GCN1: variants seen among roughly 807,000 people sequenced by gnomAD.
GCN1 encodes the protein GCN1 activator of EIF2AK4.
In GCN1, 90 loss-of-function variants were observed where a neutral mutation model predicts 288.4. That is an observed-to-expected ratio of 0.31 (90% CI 0.26 to 0.37). GCN1 has a LOEUF of 0.37. Ranked by LOEUF, GCN1 falls within the 10% of genes least tolerant of loss-of-function variation. GCN1 has a pLI of 1.00. For missense variants in GCN1, 2,586 were observed against 3,419.9 expected (o/e 0.76, Z 6.08); for synonymous variants, 1,386 against 1,420.2 (o/e 0.98, Z 0.54).
chr12:120,174,158 C>G lies in GCN1; in HGVS notation c.1105G>C (p.Val369Leu). The G allele has an allele frequency of 6.3e-7, 1 of 1,587,434 alleles. No individual in the cohort carries two copies. Among genetic ancestry groups the G allele is most frequent in the Non-Finnish European group, 8.7e-7 (1 of 1,155,628 alleles). ...KMSVLSGIGS[V>L]SHHVVSGPSS... ...GGTCCAGACACCACGTGATGACTGACGCTCCCAATCCCTAAAAGGCAGATT... is the reference window on the plus strand; with the variant it reads ...GGTCCAGACACCACGTGATGACTGAGGCTCCCAATCCCTAAAAGGCAGATT... Residue 369 changes from valine to leucine, a missense_variant, in exon 13 of 58, where the codon GTC becomes CTC. Transcript: ENST00000300648.
intron 2 of GCN1, among the ~76,000 whole-genome samples, chr12:120,187,599 AC>A (rs967369153): frequency 6.6e-5 from 10 of 150,712 alleles, no homozygotes; most frequent in Middle Eastern, 3.5e-3. Flanking sequence ...CTGTGCCCAA[AC>A]TTTTTTTTTT....
At chr12:120,164,229 G>A in intron 18 of GCN1, 107 bp downstream of exon 18, 1 of 883,798 alleles carries the variant, frequency 1.1e-6, no homozygotes. Context: ...GCATCACACA[G>A]ATTAAGAAAG....
chr12:120,142,479 G>C lies in GCN1; in HGVS notation c.5829+28C>G. 6.4e-7 allele frequency: 1 copy of C among 1,572,170 alleles called. No homozygotes were observed. Among genetic ancestry groups the C allele is most frequent in the South Asian group, 1.1e-5 (1 of 90,164 alleles). ...TCTGAAAGGAGGCACTGGGGCTGCT[G>C]GTCCAAAACAAGGCCCAGGAAACTC... is the stretch of plus-strand genomic sequence containing the variant. On this transcript the variant is annotated intron_variant, in intron 44 of 57. Transcript: ENST00000300648. This position sits in a 1 kb window ranked among gnomAD's most constrained non-coding sequence, Gnocchi z 4.9.
intron 1 of GCN1, among the ~76,000 whole-genome samples, chr12:120,191,296 T>C (rs2136120783): frequency 6.6e-6 from 1 of 152,354 alleles, no homozygotes; most frequent in Non-Finnish European, 1.5e-5. Context: ...CTAACAAATC[T>C]TTAGCTTTCA....
In GCN1 at chr12:120,134,965, C is replaced by T. The variant is rs1876951725; in HGVS notation, c.7009-239G>A. Among the ~76,000 whole-genome samples, 3 of 152,362 alleles carry T rather than the reference C, an allele frequency of 2.0e-5. No homozygotes were observed. The highest frequency in any genetic ancestry group is 2.1e-4 in the South Asian group (1 of 4,834). ...AGCAGGAGGCCGAGGAGGCGGCGGC[C>T]GCTATCTGAGGGAGCTGTCTCGCAG... On this transcript the variant is annotated intron_variant, in intron 51 of 57. Transcript: ENST00000300648. This position sits in a 1 kb window ranked among gnomAD's most constrained non-coding sequence, Gnocchi z 5.0.
intron 4 of GCN1, 24 bp downstream of exon 4, chr12:120,184,088 G>C: frequency 6.2e-7 from 1 of 1,602,352 alleles, no homozygotes; most frequent in Non-Finnish European, 8.5e-7. Flanking sequence ...CAATTCTCAG[G>C]GGGCCACAAC....
At chr12:120,175,343 G>T in intron 11 of GCN1, 131 bp from the exon 12 acceptor site, 1 of 855,530 alleles carries the variant, frequency 1.2e-6, no homozygotes, top group Non-Finnish European at 1.9e-6. Flanking sequence ...TTGTGAAGCT[G>T]GGTTTAAAGC....
rs529900449 is a variant in GCN1, at chr12:120,155,903, T to G, written c.3313-184A>C. 1.2e-4 allele frequency among the ~76,000 whole-genome samples: 19 copies of G among 152,362 alleles called. No homozygotes were observed. Among genetic ancestry groups the G allele is most frequent in the Non-Finnish European group, 2.1e-4 (14 of 68,034 alleles). ...AGAGTGTGAGGTGGTAAAATGTTTTTTTAATGTGAAAATTAAAACGTTAAA... is the reference window on the plus strand; with the variant it reads ...AGAGTGTGAGGTGGTAAAATGTTTTGTTAATGTGAAAATTAAAACGTTAAA... On this transcript the variant is annotated intron_variant, in intron 28 of 57. Coordinates refer to ENST00000300648, the MANE Select transcript of GCN1 (RefSeq NM_006836.2). The surrounding 1 kb of genome is among the most constrained non-coding windows in gnomAD (Gnocchi z 4.9).
intron 5 of GCN1, among the ~76,000 whole-genome samples, chr12:120,181,823 G>A (rs1878673241): frequency 9.8e-6 from 1 of 101,690 alleles, no homozygotes; most frequent in Admixed American, 1.3e-4. Context: ...TATGCAACAA[G>A]AGTAAAACTC....
intron 42 of GCN1, among the ~76,000 whole-genome samples, chr12:120,143,145 A>AG (rs1050893219): frequency 6.6e-5 from 10 of 152,236 alleles, no homozygotes; most frequent in Admixed American, 6.5e-4. Context: ...ATTAATGTTG[A>AG]GGGAAAAAAA....
intron 5 of GCN1, among the ~76,000 whole-genome samples, chr12:120,181,571 G>A (rs1372585621): frequency 6.6e-6 from 1 of 151,318 alleles, no homozygotes; most frequent in African/African-American, 2.4e-5. Flanking sequence ...CAGGTGCAGT[G>A]GCTCATGCCT....
chr12:120,136,529 G>T lies in GCN1; in HGVS notation c.6981C>A (p.Leu2327=). The change falls in exon 51 of 58, where the codon CTC becomes CTA. Residue 2327 remains leucine (L), a synonymous_variant. Transcript: ENST00000300648. ...TAGCCAACAAGAGGCTGAGTGTCTC[G>T]AGCAGAGCCGCCTTCACATTCCAGC... ...RFSWNVKAAL[L]ETLSLLLAKV... 1 of 1,614,090 alleles carries T rather than the reference G, an allele frequency of 6.2e-7. No homozygotes were observed. Among genetic ancestry groups the T allele is most frequent in the Non-Finnish European group, 8.5e-7 (1 of 1,179,958 alleles).
At position 120,174,158 on chromosome 12, in the gene GCN1, C is replaced by T. The variant is rs747364389; in HGVS notation, c.1105G>A (p.Val369Ile). 19 of 1,587,432 alleles carry T rather than the reference C, an allele frequency of 1.2e-5. 1 individual carries two copies. In the Middle Eastern group the frequency reaches 6.7e-4, roughly 56 times the overall value. The change falls in exon 13 of 58, where the codon GTC becomes ATC. Residue 369 changes from valine (V) to isoleucine (I), a missense_variant. This residue lies in a region of GCN1 where 913 missense variants were observed against 1,107.0 expected (regional missense o/e 0.82). Coordinates refer to ENST00000300648, the MANE Select transcript of GCN1 (RefSeq NM_006836.2). ...GGTCCAGACACCACGTGATGACTGA[C>T]GCTCCCAATCCCTAAAAGGCAGATT... Reference protein sequence around the residue: ...KMSVLSGIGSVSHHVVSGPSS... With the variant: ...KMSVLSGIGSISHHVVSGPSS...
rs774108921 is a variant in GCN1, at chr12:120,138,305, C to A, written c.6249+18G>T. 2.7e-6 allele frequency: 4 copies of A among 1,468,766 alleles called. No individual in the cohort carries two copies. Among genetic ancestry groups the A allele is most frequent in the Non-Finnish European group, 3.8e-6 (4 of 1,047,132 alleles). 91.0% of individuals were successfully genotyped at this position (1,468,766 alleles called of 1,614,324 possible). ...ATGCCCTGGAGCCAGAGGGTGTTGA[C>A]CACATGTTGGGATTTACCTTGGGCA... On this transcript the variant is annotated intron_variant, in intron 47 of 57. Transcript: ENST00000300648.
At chr12:120,139,505 T>C (rs1877121442) in intron 45 of GCN1, among the ~76,000 whole-genome samples, 1 of 151,972 alleles carries the variant, frequency 6.6e-6, no homozygotes, top group African/African-American at 2.4e-5. Flanking sequence ...TGCACACCTA[T>C]AGTCCCCAGC....
intron 10 of GCN1, 50 bp downstream of exon 10, chr12:120,176,093 A>G (rs1471261197): frequency 1.4e-6 from 2 of 1,432,478 alleles, no homozygotes; most frequent in Admixed American, 3.3e-5. Flanking sequence ...GACAAGTACA[A>G]CCAAACCCAA....
rs1475410043 is a variant in GCN1 at position 120,178,883 on chromosome 12, G to C, written c.494C>G (p.Ala165Gly). The change falls in exon 6 of 58, where the codon GCT becomes GGT. Residue 165 changes from alanine (A) to glycine (G), a missense_variant. By Grantham distance (60) the Ala-to-Gly change is moderately conservative. Transcript: ENST00000300648. ...GGSHKHAVDG[A>G]VKKLTKLWKE... ...CCACAGCTTCGTGAGTTTCTTCACAGCACCATCCACGGCGTGCTTGTGGGA... is the reference window on the plus strand; with the variant it reads ...CCACAGCTTCGTGAGTTTCTTCACACCACCATCCACGGCGTGCTTGTGGGA... 5.0e-6 allele frequency: 8 copies of C among 1,614,010 alleles called. No homozygotes were observed. In the South Asian group the frequency reaches 8.8e-5, roughly 18 times the overall value.
At chr12:120,146,909 C>A (rs953213507) in intron 38 of GCN1, 143 bp downstream of exon 38, 13 of 492,138 alleles carry the variant, frequency 2.6e-5, no homozygotes, top group Non-Finnish European at 4.2e-5. Context: ...ATTTCCACCA[C>A]AAAATGGCTC....
intron 53 of GCN1, among the ~76,000 whole-genome samples, chr12:120,133,691 C>T (rs1876903332): frequency 6.6e-6 from 1 of 152,210 alleles, no homozygotes; most frequent in Non-Finnish European, 1.5e-5. Flanking sequence ...GAGAGGCAGA[C>T]AGAGAAAGTG....
Sources: allele counts gnomAD v4.1 joint callset (sites outside exome capture counted in the v4.1 genomes callset), GRCh38; gene constraint gnomAD v4.1.1; regional missense constraint gnomAD v4.1.1; non-coding constraint Gnocchi (gnomAD v3.1); transcripts MANE v1.5; gene names NCBI Gene and HGNC (gene_info 2026-07-23, HGNC 2026-07-21).